Variants in PKM observed in about 807,000 individuals in gnomAD.
The protein encoded by PKM is pyruvate kinase M1/2, also known as pyruvate kinase PKM.
A neutral mutation model predicts 49.8 loss-of-function variants in PKM; 18 were observed. The observed-to-expected ratio is 0.36, with a 90% CI of 0.25 to 0.54. PKM has a LOEUF of 0.54. Among genes scored for constraint, PKM ranks in the 20% least tolerant of loss-of-function variants. The pLI is 0.89. For missense variants in PKM, 508 were observed against 713.8 expected (o/e 0.71, Z 3.28); for synonymous variants, 239 against 261.8 (o/e 0.91, Z 0.84).
intron 8 of PKM, chr15:72,203,576 T>G: frequency 6.5e-6 from 2 of 308,112 alleles, no homozygotes; most frequent in Non-Finnish European, 1.3e-5. Context: ...GAACAGGCCC[T>G]CCCTCCTCAC....
intron 5 of PKM, 56 bp downstream of exon 5, chr15:72,209,617 G>C: frequency 6.7e-7 from 1 of 1,498,212 alleles, no homozygotes; most frequent in Non-Finnish European, 9.3e-7. Context: ...TTGTGTCAAG[G>C]AAGTTTAGAG....
chr15:72,222,286 C>T (rs1390616157), intron 1 of PKM, among the ~76,000 whole-genome samples: 1 of 152,212 alleles, frequency 6.6e-6, no homozygotes, highest in Non-Finnish European at 1.5e-5. Context: ...ATGTGTCCTT[C>T]ATGCTCTCTA....
At chr15:72,215,521 GATAAAAA>G (rs1330190847) in intron 3 of PKM, among the ~76,000 whole-genome samples, 14 of 151,916 alleles carry the variant, frequency 9.2e-5, no homozygotes, top group Non-Finnish European at 1.6e-4. Flanking sequence ...AAAATAAATA[GATAAAAA>G]ATAAAAAATA....
At chr15:72,211,174 T>A (rs1442884507) in intron 3 of PKM, among the ~76,000 whole-genome samples, 1 of 151,874 alleles carries the variant, frequency 6.6e-6, no homozygotes, top group African/African-American at 2.4e-5. Context: ...CACGCCATTC[T>A]CCTGCCTCTC....
At chr15:72,225,333 A>G (rs1362929721) in intron 1 of PKM, among the ~76,000 whole-genome samples, 1 of 97,130 alleles carries the variant, frequency 1.0e-5, no homozygotes, top group Non-Finnish European at 2.4e-5. Context: ...CCTCCATCTT[A>G]AACTTTTTTT....
At chr15:72,219,139 G>T (rs1167180038) in intron 1 of PKM, 29 bp from the exon 2 acceptor site, 1 of 1,600,382 alleles carries the variant, frequency 6.2e-7, no homozygotes, top group Middle Eastern at 1.9e-4. Flanking sequence ...AAAGAGAGTG[G>T]TAAGACTGAG....
At chr15:72,221,312 G>T in intron 1 of PKM, 1 of 1,381,736 alleles carries the variant, frequency 7.2e-7, no homozygotes, top group Non-Finnish European at 9.9e-7. Context: ...AAAAAGCTGA[G>T]TGTAACTAAA....
At chr15:72,204,372 A>G (rs1361586790) in intron 8 of PKM, 4 of 152,250 alleles carry the variant, frequency 2.6e-5, no homozygotes, top group Non-Finnish European at 4.4e-5. Flanking sequence ...TTGCAGCCCT[A>G]AAGTATCTAT....
intron 3 of PKM, among the ~76,000 whole-genome samples, chr15:72,214,483 C>T (rs1326060963): frequency 6.6e-6 from 1 of 152,106 alleles, no homozygotes; most frequent in African/African-American, 2.4e-5. Context: ...GAAGGCTCTA[C>T]ATTTAGGTTG....
rs749232886 is a variant in PKM at position 72,202,582 on chromosome 15, T to C, written c.1179A>G (p.Gln393=). The C allele has an allele frequency of 1.9e-6, 3 of 1,613,570 alleles. No individual in the cohort carries two copies. The highest frequency in any genetic ancestry group is 8.5e-7 in the Non-Finnish European group (1 of 1,179,900). The part of the protein sequence containing the change: ...REAEAAIYHL[Q]LFEELRRLAP... The stretch of plus-strand genomic sequence containing the variant: ...CCAGGCGGCGGAGTTCCTCAAATAA[T>C]TGCAAGTGGTAGATGGCAGCCTCTG... Residue 393 remains glutamine, a synonymous_variant, in exon 9 of 11, where the codon CAA becomes CAG. Transcript: ENST00000335181. This position sits in a 1 kb window ranked among gnomAD's most constrained non-coding sequence, Gnocchi z 4.5.
chr15:72,231,078 T>A (rs1249368933), intron 1 of PKM, 38 bp downstream of exon 1: 19 of 575,992 alleles, frequency 3.3e-5, no homozygotes, highest in Non-Finnish European at 4.9e-5. Context: ...GACTGGCCCT[T>A]GGTGGGGACT....
chr15:72,227,781 A>AAAC lies in PKM; in HGVS notation c.-14+3334_-14+3335insGTT, dbSNP rs1455612743. Among the ~76,000 whole-genome samples, 32 of 135,612 alleles carry AAAC rather than the reference A, an allele frequency of 2.4e-4. No individual in the cohort carries two copies. The East Asian group carries it at 6.3e-3, about 27-fold the overall frequency. The allele number at this position is 135,612 out of a possible 152,430, so 89.0% of individuals were successfully genotyped here. ...AAAAAAAAAAAAAAAAAAACAAAAA[A>AAAC]CTGAAGCAAAATAAACTAAAACCCA... On this transcript the variant is annotated intron_variant, in intron 1 of 10. Transcript: ENST00000335181.
At chr15:72,226,149 C>T (rs182341769) in intron 1 of PKM, among the ~76,000 whole-genome samples, 10 of 152,354 alleles carry the variant, frequency 6.6e-5, no homozygotes, top group Admixed American at 1.3e-4. Flanking sequence ...ATGGTGGACA[C>T]AGTGTGTCTT....
Position 72,219,126 on chromosome 15 carries a change from T to C in PKM, c.-13-16A>G. ...TGCTGAGGTCCTGGGTCGAGACAAA[T>C]TGAAAGAGAGTGGTAAGACTGAGAA... On this transcript the variant is annotated splice_polypyrimidine_tract_variant and intron_variant, in intron 1 of 10. Coordinates refer to ENST00000335181, the MANE Select transcript of PKM (RefSeq NM_002654.6). 1.2e-6 allele frequency: 2 copies of C among 1,608,238 alleles called. No individual in the cohort carries two copies. Among genetic ancestry groups the C allele is most frequent in the South Asian group, 1.1e-5 (1 of 90,900 alleles).
At position 72,208,779 on chromosome 15, in the gene PKM, G is replaced by A; in HGVS notation, c.678C>T (p.Ile226=). Residue 226 remains isoleucine (I), a synonymous_variant, in exon 6 of 11, where the codon ATC becomes ATT. Coordinates refer to ENST00000335181, the MANE Select transcript of PKM (RefSeq NM_002654.6). ...GCTCGACCCCAAACTTCAGATCCTG[G>A]ATGTCCTTCTCCGACACAGCAGGCA... is the stretch of plus-strand genomic sequence containing the variant. ...VDLPAVSEKD[I]QDLKFGVEQD... 6.2e-7 allele frequency: 1 copy of A among 1,614,128 alleles called. No individual in the cohort carries two copies. The highest frequency in any genetic ancestry group is 8.5e-7 in the Non-Finnish European group (1 of 1,180,036).
chr15:72,214,594 G>A (rs1239633552), intron 3 of PKM, among the ~76,000 whole-genome samples: 2 of 151,972 alleles, frequency 1.3e-5, no homozygotes, highest in African/African-American at 4.8e-5. Flanking sequence ...TCAGGAATTC[G>A]AGATCAGCCT....
chr15:72,227,992 T>G (rs1327296444), intron 1 of PKM, among the ~76,000 whole-genome samples: 2 of 152,308 alleles, frequency 1.3e-5, no homozygotes, highest in Admixed American at 1.3e-4. Context: ...CATAAAGTGC[T>G]AGCTGTTTAG....
At chr15:72,228,655 G>T (rs905574694) in intron 1 of PKM, 5 of 1,281,874 alleles carry the variant, frequency 3.9e-6, no homozygotes, top group African/African-American at 3.0e-5. Context: ...CTCCCCCACA[G>T]ATTTGGTGAT....
intron 3 of PKM, among the ~76,000 whole-genome samples, chr15:72,217,011 G>C (rs2082392425): frequency 6.6e-6 from 1 of 152,226 alleles, no homozygotes; most frequent in Non-Finnish European, 1.5e-5. Context: ...TTCTAAGCTA[G>C]AATCAATCTG....
Sources: allele counts gnomAD v4.1 joint callset (sites outside exome capture counted in the v4.1 genomes callset), GRCh38; gene constraint gnomAD v4.1.1; non-coding constraint Gnocchi (gnomAD v3.1); transcripts MANE v1.5; gene names NCBI Gene and HGNC (gene_info 2026-07-23, HGNC 2026-07-21).